Variants in OXR1 observed in about 807,000 individuals in gnomAD.
OXR1 encodes oxidation resistance 1.
A neutral mutation model predicts 104.6 loss-of-function variants in OXR1; 41 were observed. The ratio of observed to expected loss-of-function variants is 0.39; its 90% CI spans 0.31 to 0.51. The LOEUF is 0.51. OXR1 is among the 20% of genes least tolerant of loss of function. OXR1 has a pLI of 0.77. For synonymous variants in OXR1, 348 were observed against 348.4 expected (o/e 1.00, Z 0.01); for missense variants, 955 against 1,031.9 (o/e 0.93, Z 1.02).
At chr8:106,514,996 A>G (rs1401580974) in intron 2 of OXR1, among the ~76,000 whole-genome samples, 1 of 152,106 alleles carries the variant, frequency 6.6e-6, no homozygotes, top group African/African-American at 2.4e-5. Flanking sequence ...TAAAATTTAT[A>G]GGATCAACTA....
rs182471125 is a variant in OXR1, at chr8:106,663,825, T to C, written c.221-15385T>C. ...ATCTCTCTCCCCATCCCCCACCCCT[T>C]GCCCACATGTCCATAATCCATAGTC... On this transcript the variant is annotated intron_variant, in intron 3 of 16. Transcript: ENST00000517566. 2.3e-3 allele frequency among the ~76,000 whole-genome samples: 354 copies of C among 152,304 alleles called. 2 individuals carry two copies. The highest frequency in any genetic ancestry group is 7.9e-3 in the African/African-American group (330 of 41,566).
At chr8:106,427,553 A>G in intron 2 of OXR1, among the ~76,000 whole-genome samples, 1 of 152,108 alleles carries the variant, frequency 6.6e-6, no homozygotes, top group East Asian at 1.9e-4. Context: ...TATTGTCATC[A>G]GTTGCTTTAA....
intron 2 of OXR1, among the ~76,000 whole-genome samples, chr8:106,388,869 A>G (rs4278124): frequency 0.64 from 97,170 of 151,714 alleles, 31,323 homozygotes; most frequent in Middle Eastern, 0.67. Flanking sequence ...AAATTATTTG[A>G]GCTTCAGTAG....
At chr8:106,594,970 C>A (rs954198286) in intron 3 of OXR1, among the ~76,000 whole-genome samples, 1 of 152,182 alleles carries the variant, frequency 6.6e-6, no homozygotes, top group East Asian at 1.9e-4. Flanking sequence ...CAGATGCCTG[C>A]CCATTGCTGC....
chr8:106,668,738 C>G (rs185048477), intron 3 of OXR1, among the ~76,000 whole-genome samples: 139 of 152,240 alleles, frequency 9.1e-4, no homozygotes, highest in African/African-American at 3.1e-3. Flanking sequence ...ATTTAGAAAC[C>G]ATTATATTAG....
intron 2 of OXR1, among the ~76,000 whole-genome samples, chr8:106,515,406 A>G (rs1451379422): frequency 2.6e-5 from 4 of 152,086 alleles, no homozygotes; most frequent in Non-Finnish European, 5.9e-5. Flanking sequence ...GATCTCTTGA[A>G]CTTATTTCTC....
intron 3 of OXR1, among the ~76,000 whole-genome samples, chr8:106,594,732 T>C (rs1000779450): frequency 6.6e-6 from 1 of 152,152 alleles, no homozygotes; most frequent in African/African-American, 2.4e-5. Flanking sequence ...CTGATTCATA[T>C]TGCTGCTAAG....
intron 1 of OXR1, among the ~76,000 whole-genome samples, chr8:106,297,530 C>G (rs777558534): frequency 1.3e-5 from 2 of 151,774 alleles, no homozygotes; most frequent in Non-Finnish European, 2.9e-5. Context: ...CGTTATTGTA[C>G]CGAATACTGT....
chr8:106,468,967 A>C (rs1228289491), intron 2 of OXR1, among the ~76,000 whole-genome samples: 2 of 151,374 alleles, frequency 1.3e-5, no homozygotes, highest in African/African-American at 4.8e-5. Flanking sequence ...TGCCTAGAAT[A>C]CTTACTCATC....
chr8:106,359,510 G>T lies in OXR1; in HGVS notation c.-104G>T. ...AACTGTGAGTAACTAAGTGGTTTGT[G>T]CATCATTCCAGAAGCAAAGCTAAAA... On this transcript the variant is annotated 5_prime_UTR_variant, in exon 2 of 17. Coordinates refer to ENST00000517566, the MANE Select transcript of OXR1 (RefSeq NM_001198533.2). 1.3e-6 allele frequency: 1 copy of T among 788,874 alleles called. No homozygotes were observed. The allele number at this position is 788,874 out of a possible 1,614,324, so 48.9% of individuals were successfully genotyped here. A position where few individuals can be genotyped will look rare whatever the true frequency, so the allele number is the denominator to read the frequency against.
At position 106,707,150 on chromosome 8, in the gene OXR1, G is replaced by C; in HGVS notation, c.1624+5G>C. The C allele has an allele frequency of 1.2e-6, 2 of 1,611,696 alleles. No individual in the cohort carries two copies. Among genetic ancestry groups the C allele is most frequent in the Non-Finnish European group, 1.7e-6 (2 of 1,178,100 alleles). Reference sequence around the variant, plus strand: ...CTGCTGATGGACACATAGAAAGTAAGTGTTATAGAGTAAATGAAGTTAGTT... The same window carrying C: ...CTGCTGATGGACACATAGAAAGTAACTGTTATAGAGTAAATGAAGTTAGTT... On this transcript the variant is annotated splice_donor_5th_base_variant and intron_variant, in intron 9 of 16. Coordinates refer to ENST00000517566, the MANE Select transcript of OXR1 (RefSeq NM_001198533.2).
chr8:106,547,492 C>CTTTTT (rs60073341), intron 3 of OXR1, among the ~76,000 whole-genome samples: 23 of 116,584 alleles, frequency 2.0e-4, no homozygotes, highest in African/African-American at 5.2e-4. Context: ...TTCTTTCTTT[C>CTTTTT]TTTTTTTTTT....
At position 106,683,287 on chromosome 8, in the gene OXR1, G is replaced by T; in HGVS notation, c.392G>T (p.Arg131Leu). 6.3e-7 allele frequency: 1 copy of T among 1,583,128 alleles called. No individual in the cohort carries two copies. The highest frequency in any genetic ancestry group is 1.1e-5 in the South Asian group (1 of 90,108). ...GTTCAATTAAATAAGTTATTCTCCC[G>T]AGCAGTTGTTACTGGACAGGTAGTA... ...ELVQLNKLFS[R>L]AVVTGQVLYV... The change falls in exon 5 of 17, where the codon CGA (arginine) becomes CTA (leucine). Residue 131 changes from arginine to leucine, a missense_variant. Arg to Leu is a moderately radical substitution (Grantham distance 102). This residue lies in a region of OXR1 where 849 missense variants were observed against 852.9 expected (regional missense o/e 1.00). Coordinates refer to ENST00000517566, the MANE Select transcript of OXR1 (RefSeq NM_001198533.2).
chr8:106,439,863 T>C (rs1819716295), intron 2 of OXR1, among the ~76,000 whole-genome samples: 1 of 152,244 alleles, frequency 6.6e-6, no homozygotes, highest in Non-Finnish European at 1.5e-5. Flanking sequence ...GAAATCAAGT[T>C]TTAATATAGT....
intron 2 of OXR1, among the ~76,000 whole-genome samples, chr8:106,474,373 A>G (rs1370028523): frequency 6.6e-6 from 1 of 151,902 alleles, no homozygotes; most frequent in Non-Finnish European, 1.5e-5. Context: ...GTTTTGGGAT[A>G]CAAACACTGG....
chr8:106,373,780 G>C (rs960694822), intron 2 of OXR1, among the ~76,000 whole-genome samples: 6 of 152,152 alleles, frequency 3.9e-5, no homozygotes, highest in Non-Finnish European at 7.3e-5. Flanking sequence ...AGTAGAGACA[G>C]GGTTTCACCA....
intron 2 of OXR1, among the ~76,000 whole-genome samples, chr8:106,511,062 T>A (rs1361665486): frequency 6.6e-6 from 1 of 152,220 alleles, no homozygotes; most frequent in Non-Finnish European, 1.5e-5. Flanking sequence ...TGGGCTAGAA[T>A]TGGAATATTC....
At position 106,279,829 on chromosome 8, in the gene OXR1, G is replaced by A. The variant is rs138845593; in HGVS notation, c.-139+9462G>A. Among the ~76,000 whole-genome samples, 7 of 152,290 alleles carry A rather than the reference G, an allele frequency of 4.6e-5. No homozygotes were observed. The East Asian group carries it at 1.4e-3, about 29-fold the overall frequency. ...TAGAAGTGTATTCTATTCAGATTAA[G>A]CAGAAAGGAATCCATTGGATGGTTA... On this transcript the variant is annotated intron_variant, in intron 1 of 16. Transcript: ENST00000517566.
At chr8:106,485,371 A>T (rs1292429320) in intron 2 of OXR1, among the ~76,000 whole-genome samples, 1 of 152,118 alleles carries the variant, frequency 6.6e-6, no homozygotes, top group Non-Finnish European at 1.5e-5. Context: ...CAAATGTAAC[A>T]TTCTTATCTC....
Sources: allele counts gnomAD v4.1 joint callset (sites outside exome capture counted in the v4.1 genomes callset), GRCh38; gene constraint gnomAD v4.1.1; regional missense constraint gnomAD v4.1.1; transcripts MANE v1.5; gene names NCBI Gene and HGNC (gene_info 2026-07-23, HGNC 2026-07-21).